USP48: variants seen among roughly 807,000 people sequenced by gnomAD.
The protein encoded by USP48 is ubiquitin specific peptidase 48, also known as ubiquitin carboxyl-terminal hydrolase 48.
USP48 carries 43 observed loss-of-function variants against 150.7 expected under a neutral mutation model. The observed-to-expected ratio is 0.29, with a 90% CI of 0.22 to 0.37. USP48 has a LOEUF of 0.37. Among genes scored for constraint, USP48 ranks in the 10% least tolerant of loss-of-function variants. USP48 has a pLI of 1.00. For missense variants in USP48, 813 were observed against 1,249.6 expected, an observed-to-expected ratio of 0.65 and a Z score of 5.27; for synonymous variants, 396 against 425.9, an observed-to-expected ratio of 0.93 and a Z score of 0.86.
At chr1:21,722,542 G>GA (rs772860252) in intron 12 of USP48, among the ~76,000 whole-genome samples, 894 of 107,072 alleles carry the variant, frequency 8.3e-3, no homozygotes, top group Admixed American at 0.011. Flanking sequence ...CTGTCTCAGA[G>GA]AAAAAAAAAA....
Position 21,687,263 on chromosome 1 carries a change from C to T in USP48, c.3010-24G>A, listed in dbSNP as rs200045284. The T allele has an allele frequency of 1.3e-4, 207 of 1,608,732 alleles. No homozygotes were observed. The African/African-American group carries it at 2.5e-3, about 19-fold the overall frequency. Reference sequence around the variant, plus strand: ...GCCTAGAAAACAAATGAAGACAATTCAAAACCACAAGGGAGAGGGAGTCTG... The same window carrying T: ...GCCTAGAAAACAAATGAAGACAATTTAAAACCACAAGGGAGAGGGAGTCTG... On this transcript the variant is annotated intron_variant, in intron 24 of 26. Transcript: ENST00000308271.
intron 1 of USP48, among the ~76,000 whole-genome samples, chr1:21,765,014 T>C (rs1409157472): frequency 6.6e-6 from 1 of 152,136 alleles, no homozygotes; most frequent in East Asian, 1.9e-4. Flanking sequence ...AATCAAAATA[T>C]CATATAACCC....
At position 21,753,569 on chromosome 1, in the gene USP48, G is replaced by A. The variant is rs547382447; in HGVS notation, c.413-450C>T. 7.2e-5 allele frequency among the ~76,000 whole-genome samples: 11 copies of A among 152,154 alleles called. No homozygotes were observed. The South Asian group carries it at 1.0e-3, about 14-fold the overall frequency. ...AGGCTGGGCACGGTGGCTCACACTC[G>A]TAATCCCCGCACTTTGGGAGGCAGA... On this transcript the variant is annotated intron_variant, in intron 3 of 26. Transcript: ENST00000308271.
At position 21,694,599 on chromosome 1, in the gene USP48, A is replaced by C. The variant is rs1168828936; in HGVS notation, c.2883+467T>G. 2.2e-4 allele frequency among the ~76,000 whole-genome samples: 23 copies of C among 103,368 alleles called. 1 individual carries two copies. The highest frequency in any genetic ancestry group is 7.1e-4 in the African/African-American group (21 of 29,406). 67.8% of individuals were successfully genotyped at this position (103,368 alleles called of 152,430 possible). ...AAAAAAAAAAAAAAAAAAAAAAAAA[A>C]AAAAAAAACCCCCTCTATCTATCAA... On this transcript the variant is annotated intron_variant, in intron 23 of 26. Coordinates refer to ENST00000308271, the MANE Select transcript of USP48 (RefSeq NM_032236.8).
chr1:21,747,485 G>A lies in USP48; in HGVS notation c.909-336C>T, dbSNP rs562093998. Among the ~76,000 whole-genome samples, 6 of 152,292 alleles carry A rather than the reference G, an allele frequency of 3.9e-5. No homozygotes were observed. The East Asian group carries it at 1.2e-3, about 29-fold the overall frequency. On this transcript the variant is annotated intron_variant, in intron 7 of 26. Transcript: ENST00000308271. The stretch of plus-strand genomic sequence containing the variant: ...ATAAAATGAAAAATACATTCCCATG[G>A]CGGGGGTGTAATGAGTACAAAATTT...
rs2097797420 is a variant in USP48 at position 21,747,528 on chromosome 1, G to C, written c.909-379C>G. On this transcript the variant is annotated intron_variant, in intron 7 of 26. Coordinates refer to ENST00000308271, the MANE Select transcript of USP48 (RefSeq NM_032236.8). ...CAAAATTTATTCTATTTAAAATAAA[G>C]GACAATACAGAAGGTCAGGGTAATT... is the stretch of plus-strand genomic sequence containing the variant. Among the ~76,000 whole-genome samples, 3 of 151,886 alleles carry C rather than the reference G, an allele frequency of 2.0e-5. No homozygotes were observed. The South Asian group carries it at 6.2e-4, about 32-fold the overall frequency.
At chr1:21,736,172 T>C (rs953459717) in intron 9 of USP48, among the ~76,000 whole-genome samples, 3 of 152,140 alleles carry the variant, frequency 2.0e-5, no homozygotes, top group Non-Finnish European at 4.4e-5. Context: ...AAGGGAAGGC[T>C]GAGGCAGGAA....
chr1:21,774,667 C>A (rs186695818), intron 1 of USP48, among the ~76,000 whole-genome samples: 1 of 151,340 alleles, frequency 6.6e-6, no homozygotes, highest in Admixed American at 6.6e-5. Flanking sequence ...AGCCTGGCAA[C>A]AGAGCAAGAT....
rs10699993 is a variant in USP48 at position 21,744,777 on chromosome 1, T to TAAAAAAAAA, written c.991+2281_991+2289dup. 7.0e-4 allele frequency among the ~76,000 whole-genome samples: 42 copies of TAAAAAAAAA among 59,586 alleles called. 1 individual carries two copies. The highest frequency in any genetic ancestry group is 2.3e-3 in the African/African-American group (33 of 14,324). 39.1% of individuals were successfully genotyped at this position (59,586 alleles called of 152,430 possible). ...GGGCAACAGAATGAAACTCTATCTCTAAAAAAAAAAAAAAAAAAAAAAAAA... is the reference window on the plus strand; with the variant it reads ...GGGCAACAGAATGAAACTCTATCTCTAAAAAAAAAAAAAAAAAAAAAAAAAAAAAAAAAA... On this transcript the variant is annotated intron_variant, in intron 8 of 26. Coordinates refer to ENST00000308271, the MANE Select transcript of USP48 (RefSeq NM_032236.8).
At chr1:21,757,049 A>C (rs2097838102) in intron 2 of USP48, 1 of 944,380 alleles carries the variant, frequency 1.1e-6, no homozygotes, top group Non-Finnish European at 1.3e-6. Flanking sequence ...CTAAACTGCC[A>C]GCATTCAGCA....
chr1:21,715,957 C>T (rs895432898), intron 14 of USP48, among the ~76,000 whole-genome samples: 3 of 152,162 alleles, frequency 2.0e-5, no homozygotes, highest in Non-Finnish European at 2.9e-5. Context: ...AACCTACCAC[C>T]GAACTCAATA....
intron 1 of USP48, among the ~76,000 whole-genome samples, chr1:21,779,026 C>G (rs2097907671): frequency 6.6e-6 from 1 of 151,942 alleles, no homozygotes; most frequent in Admixed American, 6.6e-5. Context: ...CGTGATCCGC[C>G]AGCCTTGGCC....
Position 21,752,630 on chromosome 1 carries a change from G to A in USP48, c.562C>T (p.Leu188Phe). Residue 188 changes from leucine to phenylalanine, a missense_variant, in exon 5 of 27, where the codon CTC (leucine) becomes TTC (phenylalanine). Leu to Phe is a conservative substitution (Grantham distance 22). Coordinates refer to ENST00000308271, the MANE Select transcript of USP48 (RefSeq NM_032236.8). ...GTATCTTCCAATAGAGACATAAAGA[G>A]CTTTGAAAATTCTTGAGCATCCTAC... ...QQQDAQEFSK[L>F]FMSLLEDTLS... The A allele has an allele frequency of 6.3e-7, 1 of 1,598,104 alleles. No homozygotes were observed. The highest frequency in any genetic ancestry group is 8.5e-7 in the Non-Finnish European group (1 of 1,176,132).
intron 1 of USP48, among the ~76,000 whole-genome samples, chr1:21,778,535 G>C (rs909923687): frequency 3.3e-5 from 5 of 149,816 alleles, no homozygotes; most frequent in African/African-American, 1.2e-4. Context: ...GGGAAGCTGG[G>C]GCAGGAGTAT....
intron 1 of USP48, among the ~76,000 whole-genome samples, chr1:21,777,410 GTAATCCCAGTAC>G (rs1332007754): frequency 6.6e-6 from 1 of 152,102 alleles, no homozygotes; most frequent in Admixed American, 6.6e-5. Flanking sequence ...GTTCACACCT[GTAATCCCAGTAC>G]TCTGGGAAGC....
At chr1:21,715,242 A>G (rs1323397468) in intron 15 of USP48, 147 bp downstream of exon 15, 2 of 548,100 alleles carry the variant, frequency 3.6e-6, no homozygotes, top group African/African-American at 3.9e-5. Context: ...TTCTTTTCCA[A>G]TGATTTCCTC....
intron 14 of USP48, among the ~76,000 whole-genome samples, chr1:21,718,552 A>G (rs961207129): frequency 3.5e-5 from 5 of 144,574 alleles, no homozygotes; most frequent in African/African-American, 1.3e-4. Context: ...TGATATATAA[A>G]GAGGCCTTTT....
At chr1:21,680,733 T>C in intron 26 of USP48, 75 bp downstream of exon 26, 3 of 1,388,518 alleles carry the variant, frequency 2.2e-6, no homozygotes, top group Non-Finnish European at 3.0e-6. Flanking sequence ...AAAATCAAAT[T>C]ATAGCCTTCG....
At position 21,706,462 on chromosome 1, in the gene USP48, T is replaced by C; in HGVS notation, c.2211+5A>G. The C allele has an allele frequency of 6.2e-7, 1 of 1,613,814 alleles. No homozygotes were observed. The highest frequency in any genetic ancestry group is 8.5e-7 in the Non-Finnish European group (1 of 1,179,730). Reference sequence around the variant, plus strand: ...GCATTCTTTCTTTTGTGGGAATCATTATACCTCTGGCCAGTTACTGAGACA... The same window carrying C: ...GCATTCTTTCTTTTGTGGGAATCATCATACCTCTGGCCAGTTACTGAGACA... On this transcript the variant is annotated splice_donor_5th_base_variant and intron_variant, in intron 17 of 26. Transcript: ENST00000308271.
Sources: gnomAD v4.1 joint callset for allele counts (sites outside exome capture counted in the v4.1 genomes callset) on GRCh38, gnomAD v4.1.1 for gene constraint, MANE v1.5 for transcripts, NCBI Gene and HGNC (gene_info 2026-07-23, HGNC 2026-07-21) for gene names.